CAMTA1: variants seen among roughly 807,000 people sequenced by gnomAD.
CAMTA1 encodes the protein calmodulin binding transcription activator 1.
In CAMTA1, 27 loss-of-function variants were observed where a neutral mutation model predicts 170.9. The observed-to-expected ratio is 0.16, with a 90% confidence interval of 0.12 to 0.22. The LOEUF (loss-of-function observed/expected upper bound fraction) is 0.22, where lower values mean the gene tolerates loss of function less well. Among genes scored for constraint, CAMTA1 ranks in the 10% least tolerant of loss-of-function variants. CAMTA1 has a pLI of 1.00. For missense variants in CAMTA1, 1,619 were observed against 2,217.2 expected, an observed-to-expected ratio of 0.73 and a Z score of 5.42; for synonymous variants, 833 against 891.5, an observed-to-expected ratio of 0.93 and a Z score of 1.17.
In CAMTA1 at chr1:7,737,171, T is replaced by A. The variant is rs11121015; in HGVS notation, c.3343-84T>A. Reference sequence around the variant, plus strand: ...CACCGAGATTGCCAGCAAGGACCAGTTTGTCAGTTGGCAGCAATGGCAAAA... The same window carrying A: ...CACCGAGATTGCCAGCAAGGACCAGATTGTCAGTTGGCAGCAATGGCAAAA... On this transcript the variant is annotated intron_variant, in intron 14 of 22. Transcript: ENST00000303635. 2,068 of 1,445,442 alleles carry A rather than the reference T, an allele frequency of 1.4e-3. 20 individuals are homozygous for A. In the African/African-American group the frequency reaches 0.025, roughly 18 times the overall value. 89.5% of individuals were successfully genotyped at this position (1,445,442 alleles called of 1,614,324 possible).
In CAMTA1 at chr1:7,435,022, AG is replaced by A. The variant is rs1240798129; in HGVS notation, c.439-32807del. On this transcript the variant is annotated intron_variant, in intron 5 of 22. Transcript: ENST00000303635. This position sits in a 1 kb window ranked among gnomAD's most constrained non-coding sequence, Gnocchi z 4.4. ...AGCTGAGATCCCACCACTGCACTCC[AG>A]CCTGGGTGACAGCAAAACCCTGTCT... is the stretch of plus-strand genomic sequence containing the variant. Among the ~76,000 whole-genome samples, 4 of 152,140 alleles carry A rather than the reference AG, an allele frequency of 2.6e-5. No individual in the cohort carries two copies. Among genetic ancestry groups the A allele is most frequent in the Non-Finnish European group, 1.5e-5 (1 of 68,016 alleles).
intron 3 of CAMTA1, among the ~76,000 whole-genome samples, chr1:6,839,398 AAAC>A (rs1210755188): frequency 1.3e-5 from 2 of 152,002 alleles, no homozygotes; most frequent in Non-Finnish European, 2.9e-5. Flanking sequence ...AAAAAACAAA[AAAC>A]AAAAAACCCC....
At chr1:7,372,215 C>A (rs2086527198) in intron 5 of CAMTA1, among the ~76,000 whole-genome samples, 1 of 152,166 alleles carries the variant, frequency 6.6e-6, no homozygotes, top group Admixed American at 6.5e-5. Context: ...ACCGCCAGAG[C>A]CCATCCTTGC....
intron 6 of CAMTA1, among the ~76,000 whole-genome samples, chr1:7,563,547 T>C (rs767874605): frequency 5.3e-5 from 8 of 152,242 alleles, no homozygotes; most frequent in Non-Finnish European, 1.0e-4. Flanking sequence ...GCAAGTTTTG[T>C]CTTCAGCCTT....
At chr1:7,162,920 A>C (rs1178505516) in intron 4 of CAMTA1, among the ~76,000 whole-genome samples, 1 of 152,030 alleles carries the variant, frequency 6.6e-6, no homozygotes, top group Non-Finnish European at 1.5e-5. Context: ...TTTTATGTTC[A>C]CACCAGAGGT....
chr1:7,429,534 G>A lies in CAMTA1; in HGVS notation c.439-38296G>A, dbSNP rs143158035. On this transcript the variant is annotated intron_variant, in intron 5 of 22. Coordinates refer to ENST00000303635, the MANE Select transcript of CAMTA1 (RefSeq NM_015215.4). ...TGGTGGTACTGAAGGTGATGGTGAT[G>A]ATGGTGATGATGATGACAGTGATAA... Among the ~76,000 whole-genome samples the A allele has an allele frequency of 2.7e-4, 41 of 150,610 alleles. No individual in the cohort carries two copies. In the East Asian group the frequency reaches 7.6e-3, roughly 28 times the overall value.
chr1:7,465,564 C>T (rs1198008923), intron 5 of CAMTA1, among the ~76,000 whole-genome samples: 1 of 152,138 alleles, frequency 6.6e-6, no homozygotes. Flanking sequence ...GGAGTGAGGG[C>T]CCGAGGGTTC....
intron 3 of CAMTA1, among the ~76,000 whole-genome samples, chr1:7,052,834 T>C (rs764912072): frequency 2.6e-5 from 4 of 152,142 alleles, no homozygotes; most frequent in Non-Finnish European, 5.9e-5. Context: ...CTCCGTGCTG[T>C]CAATCCATCC....
At chr1:7,383,786 T>G (rs768000388) in intron 5 of CAMTA1, among the ~76,000 whole-genome samples, 9 of 150,860 alleles carry the variant, frequency 6.0e-5, no homozygotes, top group African/African-American at 1.2e-4. Flanking sequence ...AGGAGGAGGA[T>G]GAGGATGATG....
rs141256591 is a variant in CAMTA1, at chr1:7,023,118, A to G, written c.235-68186A>G. Reference sequence around the variant, plus strand: ...TTGGCTCAGGAACACGGTATACCCCAGTCCCCCAAGCCGTAGCTTCTAAGA... The same window carrying G: ...TTGGCTCAGGAACACGGTATACCCCGGTCCCCCAAGCCGTAGCTTCTAAGA... On this transcript the variant is annotated intron_variant, in intron 3 of 22. Coordinates refer to ENST00000303635, the MANE Select transcript of CAMTA1 (RefSeq NM_015215.4). 1.3e-3 allele frequency among the ~76,000 whole-genome samples: 196 copies of G among 152,328 alleles called. 1 individual carries two copies. The highest frequency in any genetic ancestry group is 4.4e-3 in the African/African-American group (181 of 41,574).
At chr1:7,053,947 A>G (rs6577411) in intron 3 of CAMTA1, among the ~76,000 whole-genome samples, 111,919 of 152,124 alleles carry the variant, frequency 0.74, 41,868 homozygotes, top group African/African-American at 0.86. Flanking sequence ...AGCCTTACCC[A>G]TCCTGGCCTG....
chr1:7,741,154 T>C (rs2096810151), intron 16 of CAMTA1, among the ~76,000 whole-genome samples: 2 of 151,648 alleles, frequency 1.3e-5, no homozygotes, highest in South Asian at 2.1e-4. Flanking sequence ...AACCAGGGAG[T>C]GTAGGGAAAT....
rs140232431 is a variant in CAMTA1 at position 7,387,604 on chromosome 1, G to T, written c.439-80226G>T. Reference sequence around the variant, plus strand: ...CTCCTGGGGCCTCTCGTGCTTCTCTGCTTTTCTTAAAGCTGGAGGCAGGTT... The same window carrying T: ...CTCCTGGGGCCTCTCGTGCTTCTCTTCTTTTCTTAAAGCTGGAGGCAGGTT... On this transcript the variant is annotated intron_variant, in intron 5 of 22. Transcript: ENST00000303635. Among the ~76,000 whole-genome samples, 27 of 152,284 alleles carry T rather than the reference G, an allele frequency of 1.8e-4. No individual in the cohort carries two copies. In the East Asian group the frequency reaches 5.2e-3, roughly 29 times the overall value.
intron 6 of CAMTA1, among the ~76,000 whole-genome samples, chr1:7,589,139 C>T (rs1430715215): frequency 2.6e-5 from 4 of 152,226 alleles, no homozygotes; most frequent in Admixed American, 2.6e-4. Flanking sequence ...ACGCTTGCCC[C>T]AGGCTCCTCT....
intron 4 of CAMTA1, among the ~76,000 whole-genome samples, chr1:7,107,018 G>A (rs1246740959): frequency 1.3e-5 from 2 of 152,070 alleles, no homozygotes; most frequent in Admixed American, 1.3e-4. Flanking sequence ...CATCAGGGAT[G>A]TCAGATGGCA....
rs1037176145 is a variant in CAMTA1, at chr1:7,674,535, T to G, written c.2780-3064T>G. The stretch of plus-strand genomic sequence containing the variant: ...GGCTCATGCCTGTAATCCTAGCATG[T>G]TGGGAGGCCGAGGCGGGCGGATCAC... On this transcript the variant is annotated intron_variant, in intron 10 of 22. Transcript: ENST00000303635. The surrounding 1 kb of genome is among the most constrained non-coding windows in gnomAD (Gnocchi z 4.1). 6.6e-6 allele frequency among the ~76,000 whole-genome samples: 1 copy of G among 152,076 alleles called. No homozygotes were observed. Among genetic ancestry groups the G allele is most frequent in the Non-Finnish European group, 1.5e-5 (1 of 68,010 alleles).
chr1:7,352,800 C>T (rs538539653), intron 5 of CAMTA1, among the ~76,000 whole-genome samples: 2 of 152,338 alleles, frequency 1.3e-5, no homozygotes, highest in African/African-American at 4.8e-5. Context: ...TACACCTCCT[C>T]CCTAGCTGGA....
intron 6 of CAMTA1, among the ~76,000 whole-genome samples, chr1:7,576,250 TC>T (rs1026693477): frequency 6.6e-6 from 1 of 152,148 alleles, no homozygotes; most frequent in African/African-American, 2.4e-5. Context: ...CCTCAGGTGA[TC>T]CATCCGCCTC....
At chr1:7,339,046 C>T (rs1278946186) in intron 5 of CAMTA1, among the ~76,000 whole-genome samples, 1 of 152,140 alleles carries the variant, frequency 6.6e-6, no homozygotes, top group African/African-American at 2.4e-5. Flanking sequence ...AGAACTCACT[C>T]CTATGACGAG....
Sources: gnomAD v4.1 joint callset for allele counts (sites outside exome capture counted in the v4.1 genomes callset) on GRCh38, gnomAD v4.1.1 for gene constraint, Gnocchi (gnomAD v3.1) non-coding constraint, MANE v1.5 for transcripts, NCBI Gene and HGNC (gene_info 2026-07-23, HGNC 2026-07-21) for gene names.